SH2D1B: variants seen among roughly 807,000 people sequenced by gnomAD.
The protein encoded by SH2D1B is SH2 domain-containing protein 1B.
Under a neutral mutation model 16.3 loss-of-function variants are expected in SH2D1B, and 11 were observed. The observed-to-expected ratio is 0.67, with a 90% confidence interval of 0.42 to 1.11. The LOEUF (loss-of-function observed/expected upper bound fraction) is 1.11. Among genes scored for constraint, SH2D1B ranks in the 50% most tolerant of loss-of-function variants. The pLI, the probability that SH2D1B is intolerant of heterozygous loss-of-function variation, is 0.00. For synonymous variants in SH2D1B, 55 were observed against 56.1 expected, an observed-to-expected ratio of 0.98 and a Z score of 0.09; for missense variants, 123 against 153.1, an observed-to-expected ratio of 0.80 and a Z score of 1.04.
rs535898261 is a variant in SH2D1B at position 162,410,099 on chromosome 1, G to A, written c.134+1784C>T. Among the ~76,000 whole-genome samples the A allele has an allele frequency of 6.6e-5, 10 of 152,176 alleles. No homozygotes were observed. The South Asian group carries it at 2.1e-3, about 32-fold the overall frequency. On this transcript the variant is annotated intron_variant, in intron 1 of 3. Coordinates refer to ENST00000367929, the MANE Select transcript of SH2D1B (RefSeq NM_053282.5). Reference sequence around the variant, plus strand: ...AACCCTACTAAGTCAGTTTGGCAAGGACCCCTCACCCTAGCTATCTGATCA... The same window carrying A: ...AACCCTACTAAGTCAGTTTGGCAAGAACCCCTCACCCTAGCTATCTGATCA...
At chr1:162,399,594 T>C (rs1037031459) in intron 2 of SH2D1B, among the ~76,000 whole-genome samples, 2 of 152,172 alleles carry the variant, frequency 1.3e-5, no homozygotes, top group African/African-American at 4.8e-5. Context: ...GCACAGACCA[T>C]CCCATCACCC....
Position 162,412,122 on chromosome 1 carries a change from G to T in SH2D1B, c.-106C>A. ...TGTAAGCAGCTGTACCTCCTGTGGA[G>T]CTACCTCTTCCTCTAGCGGTCTGTG... is the stretch of plus-strand genomic sequence containing the variant. On this transcript the variant is annotated 5_prime_UTR_variant, in exon 1 of 4. Coordinates refer to ENST00000367929, the MANE Select transcript of SH2D1B (RefSeq NM_053282.5). 3 of 1,445,634 alleles carry T rather than the reference G, an allele frequency of 2.1e-6. No individual in the cohort carries two copies. Among genetic ancestry groups the T allele is most frequent in the Non-Finnish European group, 2.9e-6 (3 of 1,050,016 alleles). 89.6% of individuals were successfully genotyped at this position (1,445,634 alleles called of 1,614,324 possible). A position where few individuals can be genotyped will look rare whatever the true frequency, so the allele number is the denominator to read the frequency against.
intron 1 of SH2D1B, among the ~76,000 whole-genome samples, chr1:162,406,065 G>A (rs548963161): frequency 6.6e-6 from 1 of 152,344 alleles, no homozygotes; most frequent in African/African-American, 2.4e-5. Flanking sequence ...CATGATGCAA[G>A]TGGGAAATCC....
chr1:162,410,489 C>A (rs1289656550), intron 1 of SH2D1B, among the ~76,000 whole-genome samples: 1 of 152,012 alleles, frequency 6.6e-6, no homozygotes, highest in East Asian at 1.9e-4. Context: ...ATTTCTGTTA[C>A]AGGTATAATA....
In SH2D1B at chr1:162,399,100, A is replaced by G. The variant is rs1211568176; in HGVS notation, c.199-13T>C. 3.1e-6 allele frequency: 5 copies of G among 1,596,716 alleles called. No homozygotes were observed. In the Admixed American group the frequency reaches 8.6e-5, roughly 28 times the overall value. On this transcript the variant is annotated splice_polypyrimidine_tract_variant and intron_variant, in intron 2 of 3. Transcript: ENST00000367929. ...AACCTTCTGCAGTCTGCAAAAATAC[A>G]AGAAAGGAAATCACTCATTATCATG...
At chr1:162,406,449 G>A (rs1333238750) in intron 1 of SH2D1B, among the ~76,000 whole-genome samples, 1 of 152,170 alleles carries the variant, frequency 6.6e-6, no homozygotes, top group Non-Finnish European at 1.5e-5. Flanking sequence ...CAGGTTGCAA[G>A]CCATCATGTA....
In SH2D1B at chr1:162,402,808, G is replaced by GA. The variant is rs1408202547; in HGVS notation, c.135-7dup. 6.8e-6 allele frequency: 11 copies of GA among 1,610,932 alleles called. No homozygotes were observed. The highest frequency in any genetic ancestry group is 1.6e-4 in the Middle Eastern group (1 of 6,078). ...TGTAGACAATATTTTTAAACCTGTG[G>GA]AAAAAATGACTGTGTGAATCAAAAT... is the stretch of plus-strand genomic sequence containing the variant. On this transcript the variant is annotated splice_polypyrimidine_tract_variant and splice_region_variant and intron_variant, in intron 1 of 3. Transcript: ENST00000367929.
At chr1:162,405,865 G>A (rs185924236) in intron 1 of SH2D1B, among the ~76,000 whole-genome samples, 183 of 152,310 alleles carry the variant, frequency 1.2e-3, no homozygotes, top group Non-Finnish European at 1.9e-3. Context: ...TGCTGTGCAC[G>A]GATCTCTGAG....
At chr1:162,400,874 G>C (rs1648502394) in intron 2 of SH2D1B, among the ~76,000 whole-genome samples, 1 of 152,184 alleles carries the variant, frequency 6.6e-6, no homozygotes, top group East Asian at 1.9e-4. Context: ...GCTTGAACCA[G>C]GACGCGGAAG....
chr1:162,411,952 T>A lies in SH2D1B; in HGVS notation c.65A>T (p.Glu22Val). ...TAAAAGAAAGTTGCCATCCACCCCT[T>A]CCTTGAGCAGCAAGGTCTCACAGTC... ...KQDCETLLLK[E>V]GVDGNFLLRD... is the part of the protein sequence containing the mutation. Residue 22 changes from glutamate to valine, a missense_variant, in exon 1 of 4, where the codon GAA becomes GTA. Transcript: ENST00000367929. 5.0e-6 allele frequency: 8 copies of A among 1,614,164 alleles called. No individual in the cohort carries two copies. The highest frequency in any genetic ancestry group is 5.9e-6 in the Non-Finnish European group (7 of 1,180,016).
At chr1:162,399,315 C>T (rs1045497754) in intron 2 of SH2D1B, among the ~76,000 whole-genome samples, 1 of 152,114 alleles carries the variant, frequency 6.6e-6, no homozygotes, top group African/African-American at 2.4e-5. Context: ...GGGATCCCAG[C>T]GCAGTCCATA....
At chr1:162,411,161 G>C (rs541200934) in intron 1 of SH2D1B, among the ~76,000 whole-genome samples, 1 of 152,034 alleles carries the variant, frequency 6.6e-6, no homozygotes, top group African/African-American at 2.4e-5. Context: ...TTGCCGTGTT[G>C]GCCAGGCTGG....
chr1:162,395,434 ATAATGTT>A lies in SH2D1B; in HGVS notation c.*1839_*1845del, dbSNP rs537399843. ...AGCCTTTAACAAGGCTACAACAAAC[ATAATGTT>A]TAAATAAAGAAAATTTCTAAGCATT... On this transcript the variant is annotated 3_prime_UTR_variant, in exon 4 of 4. Coordinates refer to ENST00000367929, the MANE Select transcript of SH2D1B (RefSeq NM_053282.5). The A allele has an allele frequency of 6.6e-6, 1 of 152,322 alleles. No homozygotes were observed. The highest frequency in any genetic ancestry group is 2.4e-5 in the African/African-American group (1 of 41,588). 9.4% of individuals were successfully genotyped at this position (152,322 alleles called of 1,614,324 possible). A position where few individuals can be genotyped will look rare whatever the true frequency, so the allele number is the denominator to read the frequency against.
Position 162,402,706 on chromosome 1 carries a change from T to C in SH2D1B, c.198+33A>G. ...CCAGGTTCTTCTCCCCCAACTTTTG[T>C]GTTGTTGTTGTTGTCGTCCTTTTTG... On this transcript the variant is annotated intron_variant, in intron 2 of 3. Transcript: ENST00000367929. 3.9e-6 allele frequency: 6 copies of C among 1,545,810 alleles called. No homozygotes were observed. In the East Asian group the frequency reaches 1.1e-4, roughly 29 times the overall value.
chr1:162,402,625 T>A, intron 2 of SH2D1B, 114 bp downstream of exon 2: 1 of 838,232 alleles, frequency 1.2e-6, no homozygotes, highest in South Asian at 1.6e-5. Context: ...CTCTGCATTG[T>A]GCTTTCCTTT....
intron 1 of SH2D1B, among the ~76,000 whole-genome samples, chr1:162,405,482 A>T (rs548542686): frequency 6.0e-4 from 92 of 152,382 alleles, no homozygotes; most frequent in Non-Finnish European, 1.0e-3. Flanking sequence ...AATATAATTT[A>T]TCTTTCTAAT....
intron 1 of SH2D1B, among the ~76,000 whole-genome samples, chr1:162,405,812 TTTACTC>T (rs1648642152): frequency 6.6e-6 from 1 of 152,244 alleles, no homozygotes; most frequent in African/African-American, 2.4e-5. Context: ...TTTGAATTGT[TTTACTC>T]TATCTATTTA....
chr1:162,404,987 G>C (rs142850922), intron 1 of SH2D1B, among the ~76,000 whole-genome samples: 266 of 152,314 alleles, frequency 1.7e-3, no homozygotes, highest in African/African-American at 6.3e-3. Flanking sequence ...CCCACACAAA[G>C]ACTTAGTCAC....
intron 2 of SH2D1B, 121 bp from the exon 3 acceptor site, chr1:162,399,208 T>A: frequency 1.1e-6 from 1 of 926,748 alleles, no homozygotes; most frequent in Non-Finnish European, 1.6e-6. Context: ...TGAAAACAAG[T>A]GGCTGGAGCT....
Sources: allele counts gnomAD v4.1 joint callset (sites outside exome capture counted in the v4.1 genomes callset), GRCh38; gene constraint gnomAD v4.1.1; transcripts MANE v1.5; gene names NCBI Gene and HGNC (gene_info 2026-07-23, HGNC 2026-07-21).